GATA4: variants seen among roughly 807,000 people sequenced by gnomAD.
The protein encoded by GATA4 is GATA binding protein 4.
In GATA4, 7 loss-of-function variants were observed where a neutral mutation model predicts 37.9. The ratio of observed to expected loss-of-function variants is 0.18; its 90% CI spans 0.11 to 0.35. GATA4 has a LOEUF of 0.35. Ranked by LOEUF, GATA4 falls within the 10% of genes least tolerant of loss-of-function variation. The pLI, the probability that GATA4 is intolerant of heterozygous loss-of-function variation, is 1.00. For synonymous variants in GATA4, 372 were observed against 292.6 expected (o/e 1.27, Z -2.77); for missense variants, 647 against 653.0 (o/e 0.99, Z 0.10).
intron 2 of GATA4, among the ~76,000 whole-genome samples, chr8:11,730,699 G>A (rs528896783): frequency 8.5e-4 from 130 of 152,350 alleles, no homozygotes; most frequent in African/African-American, 2.7e-3. Context: ...AACACTGAGC[G>A]CTTAGGATGT....
intron 2 of GATA4, among the ~76,000 whole-genome samples, chr8:11,737,414 A>T (rs763170557): frequency 2.0e-5 from 3 of 152,192 alleles, no homozygotes; most frequent in African/African-American, 7.2e-5. Flanking sequence ...TCCCTGAGGG[A>T]GCTGCCCTGG....
chr8:11,701,332 G>C (rs370508152), upstream of GATA4, among the ~76,000 whole-genome samples: 2 of 151,686 alleles, frequency 1.3e-5, no homozygotes, highest in South Asian at 2.1e-4. Flanking sequence ...GAGAGGACTT[G>C]AATGGGGATT....
intron 1 of GATA4, among the ~76,000 whole-genome samples, chr8:11,696,951 G>C (rs1293432451): frequency 1.3e-5 from 2 of 152,228 alleles, no homozygotes; most frequent in African/African-American, 4.8e-5. Context: ...AGACTTCCTG[G>C]GGGAGGGGTG....
intron 2 of GATA4, among the ~76,000 whole-genome samples, chr8:11,715,342 T>A (rs1800390409): frequency 6.6e-6 from 1 of 152,222 alleles, no homozygotes; most frequent in Non-Finnish European, 1.5e-5. Flanking sequence ...CTTTTTGAAT[T>A]TTTTAACCAC....
intron 2 of GATA4, among the ~76,000 whole-genome samples, chr8:11,742,398 C>CTTTTTTTTTTTT (rs1563222364): frequency 1.7e-5 from 1 of 57,280 alleles, no homozygotes. Flanking sequence ...TTTTTTTTTC[C>CTTTTTTTTTTTT]TTTCCCTTTC....
chr8:11,751,808 T>C (rs1802318541), intron 4 of GATA4, among the ~76,000 whole-genome samples: 1 of 152,240 alleles, frequency 6.6e-6, no homozygotes, highest in South Asian at 2.1e-4. Flanking sequence ...AAGTGTTTGC[T>C]GCTATGGATT....
chr8:11,721,566 C>T (rs1443345810), intron 2 of GATA4, among the ~76,000 whole-genome samples: 1 of 151,954 alleles, frequency 6.6e-6, no homozygotes, highest in African/African-American at 2.4e-5. Flanking sequence ...TGAAGCCGCA[C>T]GCTACAGGCC....
intron 2 of GATA4, among the ~76,000 whole-genome samples, chr8:11,718,669 A>C (rs1331537752): frequency 6.6e-6 from 1 of 152,208 alleles, no homozygotes; most frequent in East Asian, 1.9e-4. Flanking sequence ...CCCTAATCGC[A>C]AATCCAGTTT....
At chr8:11,757,455 G>A (rs1802651200) in intron 6 of GATA4, among the ~76,000 whole-genome samples, 1 of 152,222 alleles carries the variant, frequency 6.6e-6, no homozygotes, top group Non-Finnish European at 1.5e-5. Context: ...CAACCTGAAT[G>A]AGACTGCGTG....
chr8:11,758,128 G>T (rs1045766868), intron 6 of GATA4, among the ~76,000 whole-genome samples, 165 bp from the exon 7 acceptor site: 5 of 152,150 alleles, frequency 3.3e-5, no homozygotes, highest in Admixed American at 1.3e-4. Flanking sequence ...TTCATGCCTA[G>T]ATCACCGGGA....
intron 2 of GATA4, among the ~76,000 whole-genome samples, chr8:11,715,963 C>G (rs1800417567): frequency 6.6e-6 from 1 of 152,094 alleles, no homozygotes; most frequent in Admixed American, 6.6e-5. Context: ...TAGAATCGTA[C>G]AGTGTTTGTC....
intron 1 of GATA4, among the ~76,000 whole-genome samples, chr8:11,682,787 G>A (rs1015262731): frequency 6.6e-6 from 1 of 152,182 alleles, no homozygotes; most frequent in African/African-American, 2.4e-5. Context: ...CCCCGTTTGT[G>A]CAAAAACACC....
chr8:11,711,463 A>C (rs999377587), intron 2 of GATA4, among the ~76,000 whole-genome samples: 1 of 152,110 alleles, frequency 6.6e-6, no homozygotes, highest in Non-Finnish European at 1.5e-5. Context: ...TGGCACTTAC[A>C]TAAAAGCAAC....
upstream of GATA4, among the ~76,000 whole-genome samples, chr8:11,688,990 C>T (rs572098466): frequency 1.3e-5 from 2 of 152,284 alleles, no homozygotes; most frequent in East Asian, 3.9e-4. Context: ...GGTCGGTTTA[C>T]CTTATATTTT....
At chr8:11,687,902 T>C (rs147861944), upstream of GATA4, among the ~76,000 whole-genome samples, 498 of 152,200 alleles carry the variant, frequency 3.3e-3, 5 homozygotes, top group African/African-American at 0.011. Context: ...TGAGGTTGAG[T>C]GATTTGCCAA....
chr8:11,709,762 T>G lies in GATA4; in HGVS notation c.616+834T>G, dbSNP rs1277400893. ...TTCCATGCAGTGTTTCCATCGGATG[T>G]CAGACGGGGAGGGACGGCAAACCTG... On this transcript the variant is annotated intron_variant, in intron 2 of 6. Transcript: ENST00000532059. This position sits in a 1 kb window ranked among gnomAD's most constrained non-coding sequence, Gnocchi z 4.3. 6.6e-6 allele frequency among the ~76,000 whole-genome samples: 1 copy of G among 152,150 alleles called. No individual in the cohort carries two copies. The highest frequency in any genetic ancestry group is 1.5e-5 in the Non-Finnish European group (1 of 68,014).
chr8:11,738,024 T>A (rs1801543309), intron 2 of GATA4, among the ~76,000 whole-genome samples: 1 of 151,684 alleles, frequency 6.6e-6, no homozygotes, highest in Admixed American at 6.6e-5. Context: ...CTGCTAAAAA[T>A]ACAAAAATTA....
At chr8:11,750,047 G>C in intron 3 of GATA4, 64 bp from the exon 4 acceptor site, 1 of 1,611,772 alleles carries the variant, frequency 6.2e-7, no homozygotes, top group Non-Finnish European at 8.5e-7. Flanking sequence ...GCAGCCACAC[G>C]CGAGGTGGAA....
At chr8:11,733,214 A>G (rs1003916056) in intron 2 of GATA4, among the ~76,000 whole-genome samples, 1 of 152,176 alleles carries the variant, frequency 6.6e-6, no homozygotes, top group Admixed American at 6.5e-5. Context: ...CTTTATTCCA[A>G]ACTCCCTCAA....
Sources: gnomAD v4.1 joint callset for allele counts (sites outside exome capture counted in the v4.1 genomes callset) on GRCh38, gnomAD v4.1.1 for gene constraint, Gnocchi (gnomAD v3.1) non-coding constraint, MANE v1.5 for transcripts, NCBI Gene and HGNC (gene_info 2026-07-23, HGNC 2026-07-21) for gene names.